Variants in CDYL2 observed in about 807,000 individuals in gnomAD.
The protein encoded by CDYL2 is chromodomain Y like 2.
In CDYL2, 23 loss-of-function variants were observed where a neutral mutation model predicts 49.4. That is an observed-to-expected ratio of 0.47 (90% confidence interval 0.34 to 0.66). The LOEUF (loss-of-function observed/expected upper bound fraction) is 0.66, where lower values mean the gene tolerates loss of function less well. Ranked by LOEUF, CDYL2 falls within the 30% of genes least tolerant of loss-of-function variation. The pLI, the probability that CDYL2 is intolerant of heterozygous loss-of-function variation, is 0.01. For synonymous variants in CDYL2, 360 were observed against 268.8 expected (o/e 1.34, Z -3.32); for missense variants, 678 against 656.4 (o/e 1.03, Z -0.36).
chr16:80,798,722 G>C (rs1907839087), intron 1 of CDYL2, among the ~76,000 whole-genome samples: 2 of 152,136 alleles, frequency 1.3e-5, no homozygotes, highest in Admixed American at 1.3e-4. Flanking sequence ...AAGGGGATCA[G>C]TGCCCCTAAT....
chr16:80,755,025 G>A (rs1412092848), intron 1 of CDYL2, among the ~76,000 whole-genome samples: 1 of 152,196 alleles, frequency 6.6e-6, no homozygotes, highest in Non-Finnish European at 1.5e-5. Flanking sequence ...AAAAGCAGGT[G>A]CTTGGGAGCC....
Position 80,752,575 on chromosome 16 carries a change from T to C in CDYL2, c.24+51575A>G, listed in dbSNP as rs969646719. On this transcript the variant is annotated intron_variant, in intron 1 of 6. Coordinates refer to ENST00000570137, the MANE Select transcript of CDYL2 (RefSeq NM_152342.4). ...GAGGAACAACAATAAAACTGACAGC[T>C]GGGTCCTCAATAAAACCAACAGAAG... Among the ~76,000 whole-genome samples, 4 of 152,180 alleles carry C rather than the reference T, an allele frequency of 2.6e-5. No individual in the cohort carries two copies. The East Asian group carries it at 7.7e-4, about 29-fold the overall frequency.
At chr16:80,761,204 T>A (rs998038462) in intron 1 of CDYL2, among the ~76,000 whole-genome samples, 2 of 152,094 alleles carry the variant, frequency 1.3e-5, no homozygotes, top group East Asian at 1.9e-4. Flanking sequence ...AGCAATCTGT[T>A]TGAACAAGCC....
At chr16:80,727,274 G>C (rs1286995943) in intron 1 of CDYL2, among the ~76,000 whole-genome samples, 1 of 152,232 alleles carries the variant, frequency 6.6e-6, no homozygotes, top group Non-Finnish European at 1.5e-5. Flanking sequence ...GCGAGGCATT[G>C]CCTCACTCGG....
At chr16:80,632,757 C>G (rs1907622471) in intron 3 of CDYL2, 2 of 426,726 alleles carry the variant, frequency 4.7e-6, no homozygotes, top group Admixed American at 7.1e-5. Flanking sequence ...TTGGCTAAGT[C>G]TGTGTCCACG....
chr16:80,766,953 CT>C (rs1906748286), intron 1 of CDYL2, among the ~76,000 whole-genome samples: 2 of 152,140 alleles, frequency 1.3e-5, no homozygotes, highest in African/African-American at 4.8e-5. Flanking sequence ...GAAACAGGTA[CT>C]ATTATTGCCC....
chr16:80,778,695 G>C (rs1907169561), intron 1 of CDYL2, among the ~76,000 whole-genome samples: 2 of 151,914 alleles, frequency 1.3e-5, no homozygotes, highest in Non-Finnish European at 1.5e-5. Context: ...TACCTCATCT[G>C]AAAACTTTAT....
intron 1 of CDYL2, among the ~76,000 whole-genome samples, chr16:80,700,219 T>A (rs1904293734): frequency 6.6e-6 from 1 of 152,166 alleles, no homozygotes; most frequent in Non-Finnish European, 1.5e-5. Flanking sequence ...AAATTCCAGA[T>A]AAATTAGAAA....
intron 1 of CDYL2, among the ~76,000 whole-genome samples, chr16:80,698,614 A>G (rs1324601348): frequency 6.6e-6 from 1 of 152,238 alleles, no homozygotes; most frequent in East Asian, 1.9e-4. Context: ...TCTCATGAAT[A>G]AACTGCCATC....
chr16:80,649,934 C>G (rs1908515299), intron 2 of CDYL2, among the ~76,000 whole-genome samples: 1 of 149,050 alleles, frequency 6.7e-6, no homozygotes, highest in Non-Finnish European at 1.5e-5. Flanking sequence ...GAAACTAGGC[C>G]CCTATCCTAT....
intron 1 of CDYL2, among the ~76,000 whole-genome samples, chr16:80,716,307 C>A (rs1484584576): frequency 6.6e-6 from 1 of 152,196 alleles, no homozygotes; most frequent in African/African-American, 2.4e-5. Flanking sequence ...ATGTGTATCA[C>A]AAGAGCAGGA....
chr16:80,804,301 G>A lies in CDYL2; in HGVS notation c.-128C>T, dbSNP rs556158830. 3.5e-5 allele frequency: 27 copies of A among 775,326 alleles called. No individual in the cohort carries two copies. The highest frequency in any genetic ancestry group is 3.4e-4 in the African/African-American group (18 of 53,168). The allele number at this position is 775,326 out of a possible 1,614,324, so 48.0% of individuals were successfully genotyped here. On this transcript the variant is annotated 5_prime_UTR_variant, in exon 1 of 7. Transcript: ENST00000570137. ...TGTGTGCGAGTGTGTGTGGTGTGTT[G>A]AGTAAACTGTGTTTTTGCAGAATGA...
intron 1 of CDYL2, among the ~76,000 whole-genome samples, chr16:80,697,613 G>C (rs1904281489): frequency 1.3e-5 from 2 of 152,046 alleles, no homozygotes; most frequent in Admixed American, 1.3e-4. Context: ...ATGCAAACTG[G>C]AAACAAGGAA....
intron 2 of CDYL2, among the ~76,000 whole-genome samples, chr16:80,640,702 C>A (rs992982588): frequency 1.3e-5 from 2 of 152,018 alleles, no homozygotes; most frequent in African/African-American, 4.8e-5. Flanking sequence ...TTAAAAATAA[C>A]ACAGAGAAGG....
chr16:80,795,341 T>G (rs1041687706), intron 1 of CDYL2, among the ~76,000 whole-genome samples: 2 of 152,202 alleles, frequency 1.3e-5, no homozygotes, highest in African/African-American at 4.8e-5. Flanking sequence ...ATGGAATGAC[T>G]GGAGTCAAGT....
intron 2 of CDYL2, among the ~76,000 whole-genome samples, chr16:80,654,573 A>T (rs1204199436): frequency 1.3e-5 from 2 of 152,200 alleles, no homozygotes; most frequent in African/African-American, 4.8e-5. Context: ...GCCCCTCTGC[A>T]TACAGGGCCC....
intron 1 of CDYL2, among the ~76,000 whole-genome samples, chr16:80,711,345 C>G (rs1904589437): frequency 6.6e-6 from 1 of 152,144 alleles, no homozygotes; most frequent in African/African-American, 2.4e-5. Flanking sequence ...TCCAAGTCAG[C>G]CCAATCTCCC....
chr16:80,804,274 T>G lies in CDYL2; in HGVS notation c.-101A>C. ...CGGTGTGCGCGTGTGTGTGCGCGCG[T>G]GTGTGTGCGAGTGTGTGTGGTGTGT... On this transcript the variant is annotated 5_prime_UTR_variant, in exon 1 of 7. Coordinates refer to ENST00000570137, the MANE Select transcript of CDYL2 (RefSeq NM_152342.4). 9.1e-7 allele frequency: 1 copy of G among 1,099,742 alleles called. No homozygotes were observed. Among genetic ancestry groups the G allele is most frequent in the Admixed American group, 3.0e-5 (1 of 33,022 alleles). 68.1% of individuals were successfully genotyped at this position (1,099,742 alleles called of 1,614,324 possible). A position where few individuals can be genotyped will look rare whatever the true frequency, so the allele number is the denominator to read the frequency against.
At chr16:80,748,948 T>G (rs1432927898) in intron 1 of CDYL2, among the ~76,000 whole-genome samples, 1 of 152,168 alleles carries the variant, frequency 6.6e-6, no homozygotes, top group Non-Finnish European at 1.5e-5. Context: ...ATTCTTTCTG[T>G]ACATGGTTGA....
Sources: allele counts gnomAD v4.1 joint callset (sites outside exome capture counted in the v4.1 genomes callset), GRCh38; gene constraint gnomAD v4.1.1; transcripts MANE v1.5; gene names NCBI Gene and HGNC (gene_info 2026-07-23, HGNC 2026-07-21).